The following EFCAB6 variants were observed in gnomAD, a reference collection of about 807,000 sequenced individuals.
The protein encoded by EFCAB6 is EF-hand calcium-binding domain-containing protein 6.
EFCAB6 carries 156 observed loss-of-function variants against 169.8 expected under a neutral mutation model. The observed-to-expected ratio is 0.92, with a 90% confidence interval of 0.81 to 1.05. EFCAB6 has a LOEUF of 1.05. EFCAB6 is among the 50% of genes least tolerant of loss of function. The pLI, the probability that EFCAB6 is intolerant of heterozygous loss-of-function variation, is 0.00. For synonymous variants in EFCAB6, 698 were observed against 676.4 expected (o/e 1.03, Z -0.50); for missense variants, 1,800 against 1,829.1 (o/e 0.98, Z 0.29).
At chr22:43,530,721 G>A (rs1602068029) in intron 31 of EFCAB6, 94 bp downstream of exon 31, 22 of 1,568,890 alleles carry the variant, frequency 1.4e-5, no homozygotes, top group South Asian at 3.6e-5. Context: ...CCGGGCCTTC[G>A]GCAGCAGGTA....
intron 18 of EFCAB6, 102 bp from the exon 19 acceptor site, chr22:43,632,340 C>T: frequency 1.4e-6 from 2 of 1,448,552 alleles, no homozygotes; most frequent in South Asian, 2.8e-5. Context: ...GCTCTTGTTG[C>T]CCAGGCTGGA....
chr22:43,666,807 C>T (rs1305761668), intron 17 of EFCAB6, among the ~76,000 whole-genome samples: 6 of 150,456 alleles, frequency 4.0e-5, no homozygotes, highest in Middle Eastern at 3.5e-3. Context: ...CCGCAGGCTG[C>T]CCAATGATGC....
At chr22:43,775,643 T>A (rs1006101153) in intron 3 of EFCAB6, among the ~76,000 whole-genome samples, 1 of 152,188 alleles carries the variant, frequency 6.6e-6, no homozygotes, top group African/African-American at 2.4e-5. Context: ...GGGGTTTCAC[T>A]ATGCTGGCCA....
At chr22:43,651,046 G>A (rs2056441036) in intron 17 of EFCAB6, among the ~76,000 whole-genome samples, 1 of 152,340 alleles carries the variant, frequency 6.6e-6, no homozygotes, top group African/African-American at 2.4e-5. Flanking sequence ...CCCATTTTCT[G>A]AGCAGAAATT....
intron 17 of EFCAB6, among the ~76,000 whole-genome samples, chr22:43,664,314 C>T (rs2057143027): frequency 1.3e-5 from 2 of 152,242 alleles, no homozygotes. Context: ...CACATTCATT[C>T]ATTCAATACA....
intron 2 of EFCAB6, among the ~76,000 whole-genome samples, chr22:43,792,933 A>C (rs1481294721): frequency 2.0e-5 from 3 of 152,206 alleles, no homozygotes; most frequent in African/African-American, 7.2e-5. Flanking sequence ...CCGGCTCTCT[A>C]AGCACGTGGG....
intron 6 of EFCAB6, among the ~76,000 whole-genome samples, chr22:43,755,429 C>T (rs1201851940): frequency 6.6e-6 from 1 of 152,198 alleles, no homozygotes; most frequent in African/African-American, 2.4e-5. Context: ...GCAAAGCAGT[C>T]GTTTTCCCTT....
chr22:43,677,079 A>G (rs1259844850), intron 13 of EFCAB6, among the ~76,000 whole-genome samples: 1 of 152,224 alleles, frequency 6.6e-6, no homozygotes, highest in Non-Finnish European at 1.5e-5. Flanking sequence ...TTTAAAAAAC[A>G]TTTCAACAAG....
At chr22:43,618,764 C>T (rs1402429881) in intron 20 of EFCAB6, among the ~76,000 whole-genome samples, 1 of 152,190 alleles carries the variant, frequency 6.6e-6, no homozygotes, top group African/African-American at 2.4e-5. Flanking sequence ...TTTACTCTCC[C>T]AGCCCAATTC....
chr22:43,667,354 T>A, intron 16 of EFCAB6, 82 bp from the exon 17 acceptor site: 1 of 1,514,064 alleles, frequency 6.6e-7, no homozygotes. Context: ...CATTTCCATG[T>A]AACCCATGAC....
chr22:43,682,321 A>C (rs962395371), intron 12 of EFCAB6, among the ~76,000 whole-genome samples: 1 of 152,198 alleles, frequency 6.6e-6, no homozygotes, highest in Non-Finnish European at 1.5e-5. Flanking sequence ...CCCAGCATGG[A>C]CTACGTACTC....
Position 43,537,519 on chromosome 22 carries a change from C to G in EFCAB6, c.3906G>C (p.Pro1302=). 2 of 1,613,868 alleles carry G rather than the reference C, an allele frequency of 1.2e-6. No individual in the cohort carries two copies. Among genetic ancestry groups the G allele is most frequent in the Non-Finnish European group, 1.7e-6 (2 of 1,179,890 alleles). The change falls in exon 29 of 32, where the codon CCG becomes CCC. Residue 1302 remains proline (P), a synonymous_variant. Coordinates refer to ENST00000262726, the MANE Select transcript of EFCAB6 (RefSeq NM_022785.4). The surrounding 1 kb of genome is among the most constrained non-coding windows in gnomAD (Gnocchi z 4.3). ...CACAGTTCTGCAAGGGTGGAGTGCC[C>G]GGGATCACGGTGGTGCTCGCTGGAG... ...PCTPASTTVI[P]GTPPLQNCDP... is the part of the protein sequence containing the mutation.
chr22:43,759,297 G>C (rs1280017077), intron 5 of EFCAB6: 3 of 152,186 alleles, frequency 2.0e-5, no homozygotes, highest in Non-Finnish European at 4.4e-5. Context: ...AGCTTCAACA[G>C]AATTCTCAGG....
chr22:43,777,270 C>T (rs1055605112), intron 3 of EFCAB6, among the ~76,000 whole-genome samples: 4 of 152,122 alleles, frequency 2.6e-5, no homozygotes, highest in Admixed American at 2.0e-4. Flanking sequence ...ATGCGGTGCA[C>T]GCAGAAAGGT....
chr22:43,779,561 G>A (rs1299768828), intron 3 of EFCAB6, among the ~76,000 whole-genome samples: 1 of 152,132 alleles, frequency 6.6e-6, no homozygotes, highest in Admixed American at 6.5e-5. Context: ...CCAACATGGT[G>A]AAACACCATT....
intron 10 of EFCAB6, among the ~76,000 whole-genome samples, chr22:43,701,406 A>T (rs1235509647): frequency 6.6e-6 from 1 of 152,248 alleles, no homozygotes. Context: ...AATAACTCTG[A>T]AAGTATGAGG....
At position 43,760,214 on chromosome 22, in the gene EFCAB6, AAAAAAG is replaced by A. The variant is rs2061109734; in HGVS notation, c.441-4388_441-4383del. Among the ~76,000 whole-genome samples, 8 of 93,402 alleles carry A rather than the reference AAAAAAG, an allele frequency of 8.6e-5. 1 individual carries two copies. The highest frequency in any genetic ancestry group is 7.4e-4 in the South Asian group (2 of 2,688). The allele number at this position is 93,402 out of a possible 152,430, so 61.3% of individuals were successfully genotyped here. ...GCAAGACTCTGTCTCAAAAAAAAAA[AAAAAAG>A]AAAAAAGAAAAAAAAAGAAAACAAA... On this transcript the variant is annotated intron_variant, in intron 5 of 31. Transcript: ENST00000262726.
intron 24 of EFCAB6, among the ~76,000 whole-genome samples, chr22:43,581,910 A>T (rs183744408): frequency 1.5e-3 from 225 of 152,350 alleles, no homozygotes; most frequent in African/African-American, 4.5e-3. Context: ...ATAAAATCAT[A>T]TGCATATGCT....
At chr22:43,632,330 GCT>G in intron 18 of EFCAB6, 92 bp from the exon 19 acceptor site, 2 of 1,430,206 alleles carry the variant, frequency 1.4e-6, no homozygotes, top group Non-Finnish European at 1.8e-6. Flanking sequence ...ACGGAGTCTC[GCT>G]CTTGTTGCCC....
Sources: gnomAD v4.1 joint callset for allele counts (sites outside exome capture counted in the v4.1 genomes callset) on GRCh38, gnomAD v4.1.1 for gene constraint, Gnocchi (gnomAD v3.1) non-coding constraint, MANE v1.5 for transcripts, NCBI Gene and HGNC (gene_info 2026-07-23, HGNC 2026-07-21) for gene names.